TANC2: variants seen among roughly 807,000 people sequenced by gnomAD.
TANC2 encodes the protein protein TANC2.
TANC2 carries 26 observed loss-of-function variants against 210.5 expected under a neutral mutation model. That is an observed-to-expected ratio of 0.12 (90% CI 0.09 to 0.17). TANC2 has a LOEUF of 0.17. TANC2 is among the 10% of genes least tolerant of loss of function. The pLI is 1.00. For synonymous variants in TANC2, 931 were observed against 967.1 expected (o/e 0.96, Z 0.69); for missense variants, 2,129 against 2,608.9 (o/e 0.82, Z 4.01).
intron 2 of TANC2, among the ~76,000 whole-genome samples, chr17:63,045,960 T>G (rs1023284348): frequency 4.6e-5 from 7 of 152,238 alleles, no homozygotes; most frequent in African/African-American, 1.7e-4. Flanking sequence ...ATTCTTTGAT[T>G]AAATATTTCT....
intron 11 of TANC2, among the ~76,000 whole-genome samples, chr17:63,326,268 C>T (rs1448589945): frequency 2.0e-5 from 3 of 152,296 alleles, no homozygotes; most frequent in Middle Eastern, 6.8e-3. Context: ...GGCAGTATTT[C>T]AGATCATTGG....
At chr17:63,346,440 C>T (rs560312419) in intron 12 of TANC2, among the ~76,000 whole-genome samples, 17 of 152,086 alleles carry the variant, frequency 1.1e-4, no homozygotes, top group East Asian at 3.9e-4. Flanking sequence ...AATGGACAAG[C>T]GATTTAGACA....
At chr17:63,273,540 A>C (rs2043783380) in intron 9 of TANC2, among the ~76,000 whole-genome samples, 1 of 152,090 alleles carries the variant, frequency 6.6e-6, no homozygotes, top group Non-Finnish European at 1.5e-5. Flanking sequence ...AAGGCAAATA[A>C]CCTCTTAGTA....
chr17:63,341,815 C>A (rs902229771), intron 12 of TANC2, among the ~76,000 whole-genome samples: 11 of 152,174 alleles, frequency 7.2e-5, no homozygotes, highest in African/African-American at 2.7e-4. Context: ...TTGCCTATTG[C>A]CTTCTGAATT....
chr17:62,967,281 G>A (rs2031403634), intron 1 of TANC2: 1 of 152,148 alleles, frequency 6.6e-6, no homozygotes, highest in African/African-American at 2.4e-5. Context: ...ATCGGGAGGA[G>A]CTATGATAAG....
chr17:63,412,067 A>G lies in TANC2; in HGVS notation c.3835A>G (p.Arg1279Gly), dbSNP rs1052193629. ...CTACAGTGGAATGCGCCCTTTGGAT[A>G]GGGCAGTGGGGTGCCGGAACACTTC... The change falls in exon 23 of 28, where the codon AGG (arginine) becomes GGG (glycine). Residue 1279 changes from arginine (R) to glycine (G), a missense_variant. Around this residue, in one of 5 missense-constraint regions of TANC2, gnomAD observed 644 missense variants for 937.5 expected, o/e 0.69. Coordinates refer to ENST00000689528, the Ensembl canonical transcript of TANC2. The surrounding 1 kb of genome is among the most constrained non-coding windows in gnomAD (Gnocchi z 4.2). 1 of 1,613,798 alleles carries G rather than the reference A, an allele frequency of 6.2e-7. No homozygotes were observed. Among genetic ancestry groups the G allele is most frequent in the African/African-American group, 1.3e-5 (1 of 74,896 alleles).
intron 14 of TANC2, among the ~76,000 whole-genome samples, chr17:63,368,705 A>G (rs1184531384): frequency 6.6e-6 from 1 of 152,198 alleles, no homozygotes; most frequent in African/African-American, 2.4e-5. Context: ...CTTTGCATAG[A>G]ATGATTGGTA....
intron 14 of TANC2, among the ~76,000 whole-genome samples, chr17:63,375,541 C>A (rs1222827396): frequency 6.6e-6 from 1 of 152,176 alleles, no homozygotes; most frequent in Non-Finnish European, 1.5e-5. Flanking sequence ...CAGCCTAAAG[C>A]ATAGATAGTG....
chr17:63,160,830 T>A (rs1206669057), intron 5 of TANC2, among the ~76,000 whole-genome samples: 5 of 152,232 alleles, frequency 3.3e-5, no homozygotes, highest in Non-Finnish European at 7.3e-5. Context: ...TTGGCTTTTT[T>A]AAAATTTATG....
At chr17:63,235,450 G>C (rs977502484) in intron 7 of TANC2, among the ~76,000 whole-genome samples, 1 of 151,964 alleles carries the variant, frequency 6.6e-6, no homozygotes, top group African/African-American at 2.4e-5. Context: ...CTCAGGTGGA[G>C]CCCAAAAGCA....
At chr17:63,204,585 G>A (rs536885925) in intron 7 of TANC2, among the ~76,000 whole-genome samples, 5 of 150,566 alleles carry the variant, frequency 3.3e-5, no homozygotes, top group East Asian at 2.0e-4. Context: ...AAAACCTAGC[G>A]ACACTCTGTT....
At chr17:63,123,748 A>G (rs2038586409) in intron 4 of TANC2, among the ~76,000 whole-genome samples, 1 of 134,366 alleles carries the variant, frequency 7.4e-6, no homozygotes, top group Non-Finnish European at 1.5e-5. Context: ...GTCCAGTGAC[A>G]CTATCTTGGC....
intron 9 of TANC2, chr17:63,313,668 G>A (rs1030777602): frequency 3.9e-5 from 6 of 152,136 alleles, no homozygotes; most frequent in African/African-American, 9.7e-5. Context: ...CTTTCTGCTC[G>A]ACTGCTTAGA....
At chr17:63,225,664 A>G (rs1198819080) in intron 7 of TANC2, among the ~76,000 whole-genome samples, 1 of 152,156 alleles carries the variant, frequency 6.6e-6, no homozygotes, top group Non-Finnish European at 1.5e-5. Context: ...GATATTATTC[A>G]TGACTGCATT....
chr17:63,330,797 G>A (rs1031614933), intron 11 of TANC2, among the ~76,000 whole-genome samples: 3 of 152,130 alleles, frequency 2.0e-5, no homozygotes, highest in Non-Finnish European at 4.4e-5. Flanking sequence ...AAATGTAGGC[G>A]GAGCGCGGTG....
At chr17:63,071,058 AAAAAG>A (rs1178381188) in intron 2 of TANC2, among the ~76,000 whole-genome samples, 1 of 152,168 alleles carries the variant, frequency 6.6e-6, no homozygotes. Context: ...CCTTTTCACT[AAAAAG>A]AAAATGTATC....
intron 7 of TANC2, among the ~76,000 whole-genome samples, chr17:63,202,934 T>C (rs1047124211): frequency 4.6e-5 from 7 of 152,168 alleles, no homozygotes; most frequent in Non-Finnish European, 7.4e-5. Flanking sequence ...TTTTAAAATC[T>C]ATATGAACAC....
At chr17:63,252,537 C>T (rs1304353310) in intron 8 of TANC2, among the ~76,000 whole-genome samples, 1 of 151,888 alleles carries the variant, frequency 6.6e-6, no homozygotes. Context: ...CTACCCCCAC[C>T]CCAGCGACCC....
intron 7 of TANC2, among the ~76,000 whole-genome samples, chr17:63,220,573 G>A (rs564359376): frequency 3.5e-4 from 53 of 151,000 alleles, no homozygotes; most frequent in African/African-American, 1.2e-3. Flanking sequence ...GTGTGGTAGC[G>A]CGTGTCTCTA....
Sources: gnomAD v4.1 joint callset for allele counts (sites outside exome capture counted in the v4.1 genomes callset) on GRCh38, gnomAD v4.1.1 for gene constraint, gnomAD v4.1.1 regional missense constraint, Gnocchi (gnomAD v3.1) non-coding constraint, MANE v1.5 for transcripts, NCBI Gene and HGNC (gene_info 2026-07-23, HGNC 2026-07-21) for gene names.